B3GALT1: variants seen among roughly 807,000 people sequenced by gnomAD.
B3GALT1 encodes UDP-Gal:betaGlcNAc beta 1,3-galactosyltransferase, polypeptide 1.
B3GALT1 carries 10 observed loss-of-function variants against 23.2 expected under a neutral mutation model. The ratio of observed to expected loss-of-function variants is 0.43; its 90% CI spans 0.27 to 0.73. The LOEUF is 0.73. B3GALT1 is among the 30% of genes least tolerant of loss of function. The pLI, the probability that B3GALT1 is intolerant of heterozygous loss-of-function variation, is 0.21. For missense variants in B3GALT1, 299 were observed against 405.4 expected (o/e 0.74, Z 2.25); for synonymous variants, 156 against 141.5 (o/e 1.10, Z -0.73).
intron 3 of B3GALT1, among the ~76,000 whole-genome samples, chr2:167,711,337 T>G (rs975053257): frequency 6.6e-6 from 1 of 152,200 alleles, no homozygotes; most frequent in African/African-American, 2.4e-5. Context: ...TTTACTTGTT[T>G]GGTTTTCATT....
At chr2:167,332,668 A>G (rs936398195) in intron 1 of B3GALT1, among the ~76,000 whole-genome samples, 2 of 152,162 alleles carry the variant, frequency 1.3e-5, no homozygotes, top group Non-Finnish European at 2.9e-5. Context: ...GTGTGCACAA[A>G]ACACTTCGGA....
intron 3 of B3GALT1, among the ~76,000 whole-genome samples, chr2:167,810,167 C>T (rs1392906714): frequency 6.6e-6 from 1 of 151,022 alleles, no homozygotes; most frequent in Admixed American, 6.6e-5. Flanking sequence ...ACCCGATTTT[C>T]CAGGTGCCAT....
chr2:167,732,155 A>G (rs1265433016), intron 3 of B3GALT1, among the ~76,000 whole-genome samples: 1 of 152,224 alleles, frequency 6.6e-6, no homozygotes, highest in East Asian at 1.9e-4. Flanking sequence ...TAATTGCAAC[A>G]GACGTTTTAT....
chr2:167,436,846 A>G (rs1354314937), intron 1 of B3GALT1, among the ~76,000 whole-genome samples: 1 of 152,098 alleles, frequency 6.6e-6, no homozygotes, highest in Non-Finnish European at 1.5e-5. Context: ...TCATAGTCAG[A>G]GGTATTATTT....
intron 1 of B3GALT1, among the ~76,000 whole-genome samples, chr2:167,370,677 T>C (rs1021856182): frequency 2.6e-5 from 4 of 152,278 alleles, no homozygotes; most frequent in Admixed American, 2.0e-4. Flanking sequence ...GTCTCCATGG[T>C]GTTTATTAGT....
At chr2:167,435,692 T>C (rs1574077360) in intron 1 of B3GALT1, among the ~76,000 whole-genome samples, 1 of 152,160 alleles carries the variant, frequency 6.6e-6, no homozygotes, top group East Asian at 1.9e-4. Flanking sequence ...CTTTAAAATG[T>C]TTCCATGGGT....
intron 2 of B3GALT1, among the ~76,000 whole-genome samples, chr2:167,553,466 T>G (rs1171363084): frequency 6.6e-6 from 1 of 151,804 alleles, no homozygotes; most frequent in Non-Finnish European, 1.5e-5. Flanking sequence ...AGATCTCGAT[T>G]TATGGGACCC....
intron 2 of B3GALT1, among the ~76,000 whole-genome samples, chr2:167,519,297 G>A (rs535893337): frequency 5.9e-5 from 9 of 152,210 alleles, no homozygotes; most frequent in Non-Finnish European, 8.8e-5. Flanking sequence ...GAAATGGCCC[G>A]CTGCTAGAAC....
chr2:167,812,996 A>ACCC lies in B3GALT1; in HGVS notation c.-351-5669_-351-5667dup, dbSNP rs59345832. 2.0e-3 allele frequency among the ~76,000 whole-genome samples: 141 copies of ACCC among 70,466 alleles called. 2 individuals are homozygous for ACCC. Among genetic ancestry groups the ACCC allele is most frequent in the Non-Finnish European group, 3.5e-3 (114 of 32,392 alleles). 46.2% of individuals were successfully genotyped at this position (70,466 alleles called of 152,430 possible). The stretch of plus-strand genomic sequence containing the variant: ...ACACACACGCACCACCACCACCCCC[A>ACCC]CCCCCCCCCACACAGTTCAGGGTCC... On this transcript the variant is annotated intron_variant, in intron 3 of 4. Transcript: ENST00000392690.
At chr2:167,566,790 T>C (rs1440204760) in intron 2 of B3GALT1, among the ~76,000 whole-genome samples, 1 of 152,152 alleles carries the variant, frequency 6.6e-6, no homozygotes, top group East Asian at 1.9e-4. Context: ...AGTCACTCAG[T>C]CCTTTAAAAG....
Position 167,429,774 on chromosome 2 carries a change from C to T in B3GALT1, c.-510-60403C>T, listed in dbSNP as rs575863630. 5.3e-5 allele frequency among the ~76,000 whole-genome samples: 8 copies of T among 152,286 alleles called. No homozygotes were observed. In the East Asian group the frequency reaches 7.7e-4, roughly 15 times the overall value. On this transcript the variant is annotated intron_variant, in intron 1 of 4. Coordinates refer to ENST00000392690, the MANE Select transcript of B3GALT1 (RefSeq NM_020981.4). ...CCTTTCTGAAGAATAAAAGTACCAA[C>T]GTCATAGGGATGTGAGGCATAAATA...
intron 2 of B3GALT1, among the ~76,000 whole-genome samples, chr2:167,599,054 A>T (rs1381626604): frequency 1.3e-5 from 2 of 152,172 alleles, no homozygotes; most frequent in African/African-American, 4.8e-5. Flanking sequence ...TGTATAAATG[A>T]GATGAATTAG....
At position 167,759,383 on chromosome 2, in the gene B3GALT1, T is replaced by C. The variant is rs76496708; in HGVS notation, c.-351-59289T>C. Among the ~76,000 whole-genome samples the C allele has an allele frequency of 7.1e-3, 1,087 of 152,324 alleles. 15 individuals carry two copies. Among genetic ancestry groups the C allele is most frequent in the African/African-American group, 0.025 (1,033 of 41,580 alleles). On this transcript the variant is annotated intron_variant, in intron 3 of 4. Coordinates refer to ENST00000392690, the MANE Select transcript of B3GALT1 (RefSeq NM_020981.4). ...CAAGGAAATGGGTTGAACCGCTACA[T>C]AGTCTGATGCTATGTGGAGAACTAG...
intron 4 of B3GALT1, among the ~76,000 whole-genome samples, chr2:167,822,743 C>T (rs1689134339): frequency 6.6e-6 from 1 of 152,128 alleles, no homozygotes; most frequent in Non-Finnish European, 1.5e-5. Context: ...ATTCTTCAAG[C>T]CCCACTCAAA....
intron 1 of B3GALT1, among the ~76,000 whole-genome samples, chr2:167,475,093 A>C (rs73022098): frequency 0.032 from 4,819 of 152,290 alleles, 248 homozygotes; most frequent in African/African-American, 0.11. Flanking sequence ...TGCAATTTCA[A>C]TTACCTATGG....
intron 1 of B3GALT1, among the ~76,000 whole-genome samples, chr2:167,381,953 T>C (rs1697852556): frequency 6.6e-6 from 1 of 152,250 alleles, no homozygotes; most frequent in Admixed American, 6.5e-5. Flanking sequence ...TCGGATATAT[T>C]GGGCATAACC....
chr2:167,860,797 A>G (rs1690083709), intron 4 of B3GALT1, among the ~76,000 whole-genome samples: 2 of 152,114 alleles, frequency 1.3e-5, no homozygotes, highest in Non-Finnish European at 2.9e-5. Context: ...AGTTGGCAGG[A>G]GCAAGGAATT....
chr2:167,562,697 G>C (rs1349002777), intron 2 of B3GALT1, among the ~76,000 whole-genome samples: 2 of 150,658 alleles, frequency 1.3e-5, no homozygotes, highest in African/African-American at 4.9e-5. Flanking sequence ...TTCTCGCAGA[G>C]GGGGATTTGG....
intron 2 of B3GALT1, among the ~76,000 whole-genome samples, chr2:167,626,258 T>G (rs913938282): frequency 6.6e-6 from 1 of 151,554 alleles, no homozygotes; most frequent in Non-Finnish European, 1.5e-5. Flanking sequence ...AATAATAAAA[T>G]CATACTGAAA....
Sources: allele counts gnomAD v4.1 joint callset (sites outside exome capture counted in the v4.1 genomes callset), GRCh38; gene constraint gnomAD v4.1.1; transcripts MANE v1.5; gene names NCBI Gene and HGNC (gene_info 2026-07-23, HGNC 2026-07-21).